KIDINS220: variants seen among roughly 807,000 people sequenced by gnomAD.
KIDINS220 encodes the protein kinase D interacting substrate 220.
A neutral mutation model predicts 157.6 loss-of-function variants in KIDINS220; 63 were observed. The ratio of observed to expected loss-of-function variants is 0.40; its 90% CI spans 0.33 to 0.49. The LOEUF is 0.49. KIDINS220 is among the 20% of genes least tolerant of loss of function. KIDINS220 has a pLI of 0.66. For synonymous variants in KIDINS220, 732 were observed against 783.6 expected (o/e 0.93, Z 1.10); for missense variants, 1,772 against 2,171.2 (o/e 0.82, Z 3.65).
intron 8 of KIDINS220, among the ~76,000 whole-genome samples, chr2:8,802,553 A>C (rs976270753): frequency 6.6e-6 from 1 of 152,174 alleles, no homozygotes; most frequent in Non-Finnish European, 1.5e-5. Flanking sequence ...GGGTGAAAAA[A>C]GCAAGGCATC....
In KIDINS220 at chr2:8,774,370, G is replaced by T. The variant is rs535242533; in HGVS notation, c.2848+2378C>A. 2.0e-4 allele frequency among the ~76,000 whole-genome samples: 30 copies of T among 151,760 alleles called. 1 individual carries two copies. The highest frequency in any genetic ancestry group is 5.9e-5 in the Non-Finnish European group (4 of 67,908). On this transcript the variant is annotated intron_variant, in intron 21 of 29. Coordinates refer to ENST00000256707, the MANE Select transcript of KIDINS220 (RefSeq NM_020738.4). ...CAGGTGGATTTTAAATTCTACTGAG[G>T]GGAAACAAACAAAAACCAAAGAAAC...
chr2:8,764,624 G>T (rs1288575505), intron 22 of KIDINS220, among the ~76,000 whole-genome samples: 1 of 152,112 alleles, frequency 6.6e-6, no homozygotes, highest in Non-Finnish European at 1.5e-5. Context: ...CTATGTGTCC[G>T]GCCCAGGGAT....
At chr2:8,775,328 G>A (rs1055479069) in intron 21 of KIDINS220, among the ~76,000 whole-genome samples, 5 of 152,124 alleles carry the variant, frequency 3.3e-5, no homozygotes, top group South Asian at 2.1e-4. Flanking sequence ...GAGTAAATGC[G>A]GTCGCCAAGG....
intron 11 of KIDINS220, chr2:8,794,195 T>A (rs1314288976): frequency 2.5e-6 from 1 of 394,080 alleles, no homozygotes; most frequent in East Asian, 4.2e-5. Context: ...ATACTGTTTC[T>A]CCCACAGCCC....
intron 11 of KIDINS220, 63 bp downstream of exon 11, chr2:8,796,708 C>A: frequency 8.2e-7 from 1 of 1,215,408 alleles, no homozygotes; most frequent in Non-Finnish European, 1.2e-6. Context: ...TAAATCCACT[C>A]CATATAGAGG....
At chr2:8,736,311 C>T (rs748803669) in intron 27 of KIDINS220, among the ~76,000 whole-genome samples, 4 of 152,094 alleles carry the variant, frequency 2.6e-5, no homozygotes, top group Non-Finnish European at 4.4e-5. Flanking sequence ...CTGATAGCTG[C>T]TAGAATTGCA....
chr2:8,804,502 T>A (rs1164308525), intron 7 of KIDINS220, among the ~76,000 whole-genome samples: 1 of 152,208 alleles, frequency 6.6e-6, no homozygotes, highest in African/African-American at 2.4e-5. Flanking sequence ...AAATTGCTAA[T>A]CAGTAAGATG....
rs143628210 is a variant in KIDINS220, at chr2:8,813,198, C to T, written c.405+39G>A. 7.6e-4 allele frequency: 1,084 copies of T among 1,425,102 alleles called. 10 individuals carry two copies. The African/African-American group carries it at 0.014, about 18-fold the overall frequency. The allele number at this position is 1,425,102 out of a possible 1,614,324, so 88.3% of individuals were successfully genotyped here. On this transcript the variant is annotated intron_variant, in intron 5 of 29. Transcript: ENST00000256707. ...CTTAAGTATTCCCTAAGAAAACTTA[C>T]CACTTATAATACAAACAAATTTTTT... is the stretch of plus-strand genomic sequence containing the variant.
At chr2:8,801,239 T>C (rs1475155913) in intron 8 of KIDINS220, among the ~76,000 whole-genome samples, 1 of 152,228 alleles carries the variant, frequency 6.6e-6, no homozygotes, top group Non-Finnish European at 1.5e-5. Flanking sequence ...TTGTAGTCTT[T>C]TGTGTTGAAT....
chr2:8,722,193 G>T (rs981456926), downstream of KIDINS220: 1 of 152,126 alleles, frequency 6.6e-6, no homozygotes, highest in African/African-American at 2.4e-5. Context: ...TGTTGTCATA[G>T]ATTTTATTGA....
intron 2 of KIDINS220, among the ~76,000 whole-genome samples, chr2:8,826,411 C>T (rs565280618): frequency 4.3e-4 from 65 of 152,240 alleles, no homozygotes; most frequent in African/African-American, 1.4e-3. Flanking sequence ...GAGTTCAAGA[C>T]CAGCCTGGCC....
In KIDINS220 at chr2:8,730,821, G is replaced by A. The variant is rs749886554; in HGVS notation, c.5215C>T (p.Arg1739Cys). ...TTGGAGAGCCTTGTGTAACTTGAACGTTGGCTTCGCTTATGTGTCATGCTT... is the reference window on the plus strand; with the variant it reads ...TTGGAGAGCCTTGTGTAACTTGAACATTGGCTTCGCTTATGTGTCATGCTT... ...LKSMTHKRSQ[R>C]SSYTRLSKDP... Residue 1739 changes from arginine to cysteine, a missense_variant, in exon 30 of 30, where the codon CGT becomes TGT. By Grantham distance (180) the Arg-to-Cys change is radical. Coordinates refer to ENST00000256707, the MANE Select transcript of KIDINS220 (RefSeq NM_020738.4). 1.8e-5 allele frequency: 29 copies of A among 1,614,100 alleles called. No individual in the cohort carries two copies. Among genetic ancestry groups the A allele is most frequent in the Admixed American group, 5.0e-5 (3 of 60,008 alleles).
At chr2:8,741,587 C>A (rs1026694450) in intron 26 of KIDINS220, among the ~76,000 whole-genome samples, 5 of 151,950 alleles carry the variant, frequency 3.3e-5, no homozygotes, top group Non-Finnish European at 5.9e-5. Flanking sequence ...CTCAAAAAAA[C>A]CAAAATGAAA....
chr2:8,831,265 A>C (rs954356214), intron 1 of KIDINS220, among the ~76,000 whole-genome samples: 1 of 152,136 alleles, frequency 6.6e-6, no homozygotes, highest in Non-Finnish European at 1.5e-5. Flanking sequence ...GATTCTTCAC[A>C]ATCTGGCCCC....
chr2:8,806,306 A>G lies in KIDINS220; in HGVS notation c.568T>C (p.Leu190=), dbSNP rs1266570068. 1 of 1,611,208 alleles carries G rather than the reference A, an allele frequency of 6.2e-7. No homozygotes were observed. The highest frequency in any genetic ancestry group is 1.3e-5 in the African/African-American group (1 of 74,894). The change falls in exon 7 of 30, where the codon TTG becomes CTG. Residue 190 remains leucine, a synonymous_variant. Coordinates refer to ENST00000256707, the MANE Select transcript of KIDINS220 (RefSeq NM_020738.4). ...KGHLECVKHL[L]AMGADVDQEG... Reference sequence around the variant, plus strand: ...TGATCCACATCAGCTCCCATGGCCAATAAATGTTTCACACATTCCAAATGA... The same window carrying G: ...TGATCCACATCAGCTCCCATGGCCAGTAAATGTTTCACACATTCCAAATGA...
intron 1 of KIDINS220, among the ~76,000 whole-genome samples, chr2:8,837,119 G>A (rs139036825): frequency 1.3e-5 from 2 of 152,122 alleles, no homozygotes; most frequent in African/African-American, 4.8e-5. Context: ...AGCTAAGGGG[G>A]CTCTCAAGGT....
intron 1 of KIDINS220, among the ~76,000 whole-genome samples, chr2:8,834,734 C>A (rs138239611): frequency 6.6e-6 from 1 of 152,280 alleles, no homozygotes; most frequent in East Asian, 1.9e-4. Context: ...TAATGCCTGA[C>A]CCAACTTTAA....
chr2:8,761,381 T>A (rs1558365212), intron 22 of KIDINS220, among the ~76,000 whole-genome samples: 1 of 152,192 alleles, frequency 6.6e-6, no homozygotes, highest in Non-Finnish European at 1.5e-5. Context: ...AGTATAGAAC[T>A]GAAGTTCTAC....
chr2:8,764,004 G>T (rs144869219), intron 22 of KIDINS220, among the ~76,000 whole-genome samples: 1 of 152,200 alleles, frequency 6.6e-6, no homozygotes, highest in Non-Finnish European at 1.5e-5. Context: ...AGTACCCACT[G>T]ACTAATGAGT....
Sources: gnomAD v4.1 joint callset for allele counts (sites outside exome capture counted in the v4.1 genomes callset) on GRCh38, gnomAD v4.1.1 for gene constraint, MANE v1.5 for transcripts, NCBI Gene and HGNC (gene_info 2026-07-23, HGNC 2026-07-21) for gene names.